The following LAMA2 variants were observed in gnomAD, a reference collection of about 807,000 sequenced individuals.
The protein encoded by LAMA2 is laminin subunit alpha-2.
In LAMA2, 269 loss-of-function variants were observed where a neutral mutation model predicts 364.8. The ratio of observed to expected loss-of-function variants is 0.74; its 90% confidence interval spans 0.67 to 0.82. LAMA2 has a LOEUF of 0.82. Ranked by LOEUF, LAMA2 falls within the 40% of genes least tolerant of loss-of-function variation. The pLI, the probability that LAMA2 is intolerant of heterozygous loss-of-function variation, is 0.00. For missense variants in LAMA2, 3,807 were observed against 3,873.2 expected (o/e 0.98, Z 0.45); for synonymous variants, 1,379 against 1,370.6 (o/e 1.01, Z -0.14).
intron 1 of LAMA2, among the ~76,000 whole-genome samples, chr6:128,926,448 G>A (rs1476945981): frequency 1.3e-5 from 2 of 152,108 alleles, no homozygotes; most frequent in African/African-American, 4.8e-5. Flanking sequence ...AATCTGATTT[G>A]TTCTCAATAT....
At chr6:129,406,265 A>T (rs1780243472) in intron 40 of LAMA2, among the ~76,000 whole-genome samples, 1 of 152,242 alleles carries the variant, frequency 6.6e-6, no homozygotes, top group Admixed American at 6.5e-5. Context: ...AAGGAAGTGG[A>T]TCCTTTATAA....
chr6:129,143,817 C>A, intron 4 of LAMA2, 84 bp from the exon 5 acceptor site: 1 of 1,059,806 alleles, frequency 9.4e-7, no homozygotes, highest in Non-Finnish European at 1.4e-6. Flanking sequence ...GGGAAGTTAA[C>A]TTTATTTTTC....
intron 12 of LAMA2, among the ~76,000 whole-genome samples, chr6:129,213,842 A>T (rs1783257373): frequency 6.6e-6 from 1 of 152,194 alleles, no homozygotes; most frequent in Non-Finnish European, 1.5e-5. Context: ...TTCACAGAGA[A>T]GATGATTTTT....
chr6:129,443,140 T>G (rs1372918112), intron 44 of LAMA2, 72 bp downstream of exon 44: 1 of 1,149,192 alleles, frequency 8.7e-7, no homozygotes, highest in African/African-American at 1.6e-5. Flanking sequence ...AAGTTTCAGC[T>G]TTGCATGTAC....
intron 1 of LAMA2, among the ~76,000 whole-genome samples, chr6:128,915,353 G>T (rs1778244004): frequency 6.6e-6 from 1 of 152,090 alleles, no homozygotes; most frequent in Non-Finnish European, 1.5e-5. Context: ...TTTTAGATTA[G>T]TCCATGGTTA....
chr6:129,008,589 G>A (rs1451481641), intron 1 of LAMA2, among the ~76,000 whole-genome samples: 1 of 151,868 alleles, frequency 6.6e-6, no homozygotes, highest in Non-Finnish European at 1.5e-5. Context: ...TTCTCTATAG[G>A]GTCTCAAAGC....
chr6:129,146,947 T>A lies in LAMA2; in HGVS notation c.820-12T>A, dbSNP rs778005619. The A allele has an allele frequency of 1.9e-6, 3 of 1,548,786 alleles. No homozygotes were observed. Among genetic ancestry groups the A allele is most frequent in the Non-Finnish European group, 2.7e-6 (3 of 1,120,784 alleles). ...ATCTTAACAGGATTTCTCTCTGGAT[T>A]GCTTTTTGCAGTATTACTACTCGGT... On this transcript the variant is annotated splice_polypyrimidine_tract_variant and intron_variant, in intron 5 of 64. Coordinates refer to ENST00000421865, the MANE Select transcript of LAMA2 (RefSeq NM_000426.4).
chr6:129,142,994 G>A (rs1479836916), intron 4 of LAMA2, among the ~76,000 whole-genome samples: 1 of 151,884 alleles, frequency 6.6e-6, no homozygotes, highest in Non-Finnish European at 1.5e-5. Context: ...TGAGTATTAG[G>A]AACATCCTTC....
At chr6:129,371,346 GAAATA>G (rs1191720003) in intron 34 of LAMA2, among the ~76,000 whole-genome samples, 3 of 151,574 alleles carry the variant, frequency 2.0e-5, no homozygotes, top group East Asian at 1.9e-4. Flanking sequence ...AATAAAACAT[GAAATA>G]AAATAAAGTC....
intron 22 of LAMA2, among the ~76,000 whole-genome samples, chr6:129,305,136 T>G (rs1334995011): frequency 2.6e-5 from 4 of 152,228 alleles, no homozygotes; most frequent in Non-Finnish European, 5.9e-5. Context: ...CTATGTCTTT[T>G]TGAAAAGTTG....
At chr6:129,024,284 A>G (rs1785651121) in intron 1 of LAMA2, among the ~76,000 whole-genome samples, 1 of 151,972 alleles carries the variant, frequency 6.6e-6, no homozygotes, top group Non-Finnish European at 1.5e-5. Flanking sequence ...AGTAGGAAGC[A>G]TGATAGACTC....
At chr6:129,045,511 G>A (rs1226038330) in intron 1 of LAMA2, among the ~76,000 whole-genome samples, 1 of 152,040 alleles carries the variant, frequency 6.6e-6, no homozygotes, top group Non-Finnish European at 1.5e-5. Context: ...TATCTTCTCT[G>A]AGCTGCACTT....
chr6:129,503,618 G>A (rs1010363406), intron 60 of LAMA2, among the ~76,000 whole-genome samples: 2 of 152,172 alleles, frequency 1.3e-5, no homozygotes, highest in Non-Finnish European at 1.5e-5. Context: ...CATCAAGCTC[G>A]ATGTATTCAA....
intron 4 of LAMA2, among the ~76,000 whole-genome samples, chr6:129,137,910 AG>A (rs1261001867): frequency 6.6e-6 from 1 of 152,122 alleles, no homozygotes; most frequent in Non-Finnish European, 1.5e-5. Flanking sequence ...CAATAAAAAT[AG>A]GGGGAGTCAA....
chr6:129,061,898 A>G (rs981904962), intron 3 of LAMA2, among the ~76,000 whole-genome samples: 14 of 152,218 alleles, frequency 9.2e-5, no homozygotes, highest in African/African-American at 2.9e-4. Context: ...CCAGCTTTCT[A>G]TTTCCTGAAA....
intron 1 of LAMA2, among the ~76,000 whole-genome samples, chr6:128,888,376 G>C (rs1473542652): frequency 3.3e-5 from 5 of 152,156 alleles, no homozygotes; most frequent in African/African-American, 1.2e-4. Context: ...CTAATATTTA[G>C]TTGGGATGGA....
In LAMA2 at chr6:129,315,805, A is replaced by C; in HGVS notation, c.3779A>C (p.Glu1260Ala). The C allele has an allele frequency of 1.2e-6, 2 of 1,614,086 alleles. No homozygotes were observed. The highest frequency in any genetic ancestry group is 1.7e-6 in the Non-Finnish European group (2 of 1,180,028). The change falls in exon 26 of 65, where the codon GAG becomes GCG. Residue 1260 changes from glutamate to alanine, a missense_variant. Coordinates refer to ENST00000421865, the MANE Select transcript of LAMA2 (RefSeq NM_000426.4). ...AAACTCAAGTATGCAATCTATTTCG[A>C]GGCTCGGGAAGAAACAGGTTTCTCT... ...GGKLKYAIYF[E>A]AREETGFSTY...
chr6:129,421,263 C>G (rs1700990350), intron 40 of LAMA2, among the ~76,000 whole-genome samples: 1 of 151,736 alleles, frequency 6.6e-6, no homozygotes, highest in Admixed American at 6.6e-5. Flanking sequence ...CATACAGCAA[C>G]TTACATAAAA....
intron 1 of LAMA2, among the ~76,000 whole-genome samples, chr6:129,022,619 A>G (rs946468557): frequency 6.6e-6 from 1 of 152,184 alleles, no homozygotes; most frequent in African/African-American, 2.4e-5. Flanking sequence ...CAAAATCAAT[A>G]GATAGATGCA....
Sources: gnomAD v4.1 joint callset for allele counts (sites outside exome capture counted in the v4.1 genomes callset) on GRCh38, gnomAD v4.1.1 for gene constraint, MANE v1.5 for transcripts, NCBI Gene and HGNC (gene_info 2026-07-23, HGNC 2026-07-21) for gene names.